Variants in DOK6 observed in about 807,000 individuals in gnomAD.
The protein encoded by DOK6 is docking protein 6.
Under a neutral mutation model 44.0 loss-of-function variants are expected in DOK6, and 22 were observed. That is an observed-to-expected ratio of 0.50 (90% CI 0.36 to 0.71). DOK6 has a LOEUF of 0.71. Ranked by LOEUF, DOK6 falls within the 30% of genes least tolerant of loss-of-function variation. DOK6 has a pLI of 0.00. For missense variants in DOK6, 340 were observed against 416.4 expected (o/e 0.82, Z 1.60); for synonymous variants, 166 against 145.5 (o/e 1.14, Z -1.01).
intron 1 of DOK6, among the ~76,000 whole-genome samples, chr18:69,509,774 C>T (rs2053524): frequency 0.12 from 17,720 of 151,566 alleles, 1,342 homozygotes; most frequent in Non-Finnish European, 0.16. Flanking sequence ...GCACATTTAA[C>T]AGCTCTCATT....
intron 1 of DOK6, 112 bp downstream of exon 1, chr18:69,401,422 C>T (rs1010124117): frequency 9.8e-6 from 12 of 1,219,456 alleles, no homozygotes; most frequent in Non-Finnish European, 1.3e-5. Context: ...GAGAGGGACC[C>T]GGCCCTTAGG....
chr18:69,433,254 G>A (rs1978856537), intron 1 of DOK6, among the ~76,000 whole-genome samples: 1 of 152,064 alleles, frequency 6.6e-6, no homozygotes, highest in South Asian at 2.1e-4. Flanking sequence ...ACCATTGATA[G>A]TAAAACACTC....
At chr18:69,627,219 C>CA (rs796561295) in intron 3 of DOK6, among the ~76,000 whole-genome samples, 112 of 152,128 alleles carry the variant, frequency 7.4e-4, no homozygotes, top group African/African-American at 2.3e-3. Flanking sequence ...AACAAACAAA[C>CA]AAAAAAGACT....
intron 1 of DOK6, among the ~76,000 whole-genome samples, chr18:69,415,342 A>T (rs934100815): frequency 6.7e-6 from 1 of 150,094 alleles, no homozygotes; most frequent in Non-Finnish European, 1.5e-5. Flanking sequence ...AATGACTCAA[A>T]TCATTTTTTT....
intron 5 of DOK6, among the ~76,000 whole-genome samples, chr18:69,706,514 C>CTT (rs34689612): frequency 3.4e-5 from 5 of 147,420 alleles, no homozygotes; most frequent in African/African-American, 1.3e-4. Context: ...TCAAGAAACT[C>CTT]TTTTTTTTTT....
In DOK6 at chr18:69,564,662, T is replaced by A. The variant is rs111868295; in HGVS notation, c.174+68T>A. 4.5e-3 allele frequency: 5,862 copies of A among 1,301,400 alleles called. 211 individuals are homozygous for A. The African/African-American group carries it at 0.074, about 17-fold the overall frequency. 80.6% of individuals were successfully genotyped at this position (1,301,400 alleles called of 1,614,324 possible). On this transcript the variant is annotated intron_variant, in intron 2 of 7. Coordinates refer to ENST00000382713, the MANE Select transcript of DOK6 (RefSeq NM_152721.6). Reference sequence around the variant, plus strand: ...TTGAAGACTTGTGGAGATATTTCTTTGATAAATGAAATCTTCAGTGGCAAA... The same window carrying A: ...TTGAAGACTTGTGGAGATATTTCTTAGATAAATGAAATCTTCAGTGGCAAA...
chr18:69,454,817 C>A (rs1355050164), intron 1 of DOK6, among the ~76,000 whole-genome samples: 1 of 144,870 alleles, frequency 6.9e-6, no homozygotes, highest in Non-Finnish European at 1.5e-5. Context: ...GAACAAAAAA[C>A]CAAACACCGC....
intron 4 of DOK6, among the ~76,000 whole-genome samples, chr18:69,681,437 T>G (rs573053511): frequency 1.3e-5 from 2 of 152,362 alleles, no homozygotes; most frequent in South Asian, 4.1e-4. Context: ...GATTAAATCC[T>G]TTGCTGTAAT....
rs12955956 is a variant in DOK6 at position 69,569,045 on chromosome 18, A to G, written c.174+4451A>G. ...TTGAATCATCCCGAAACTGTCCCCC[A>G]GCCCCCACAAACCCCCTGGTCCATG... On this transcript the variant is annotated intron_variant, in intron 2 of 7. Coordinates refer to ENST00000382713, the MANE Select transcript of DOK6 (RefSeq NM_152721.6). Among the ~76,000 whole-genome samples, 67 of 152,102 alleles carry G rather than the reference A, an allele frequency of 4.4e-4. 1 individual carries two copies. The highest frequency in any genetic ancestry group is 8.2e-4 in the Non-Finnish European group (56 of 68,000).
At chr18:69,581,054 T>C (rs1983357334) in intron 2 of DOK6, among the ~76,000 whole-genome samples, 1 of 152,248 alleles carries the variant, frequency 6.6e-6, no homozygotes, top group Non-Finnish European at 1.5e-5. Context: ...TATGGCTGAA[T>C]AGTATTCCAT....
chr18:69,486,741 A>G (rs993905680), intron 1 of DOK6, among the ~76,000 whole-genome samples: 1 of 152,182 alleles, frequency 6.6e-6, no homozygotes, highest in East Asian at 1.9e-4. Context: ...TTTTTATTCA[A>G]TGAAGGAATT....
chr18:69,481,812 T>A (rs9675528), intron 1 of DOK6, among the ~76,000 whole-genome samples: 36,084 of 152,028 alleles, frequency 0.24, 4,596 homozygotes, highest in East Asian at 0.52. Flanking sequence ...TCTTCCACAA[T>A]GGTTGAACTA....
At chr18:69,783,611 A>G (rs1265151513) in intron 7 of DOK6, among the ~76,000 whole-genome samples, 6 of 152,154 alleles carry the variant, frequency 3.9e-5, no homozygotes, top group African/African-American at 1.4e-4. Context: ...TGGATTTTCT[A>G]GAGACAATTC....
chr18:69,441,390 C>CTGAAACATTT (rs1213649411), intron 1 of DOK6, among the ~76,000 whole-genome samples: 1 of 152,068 alleles, frequency 6.6e-6, no homozygotes, highest in East Asian at 1.9e-4. Context: ...TTTATACTTT[C>CTGAAACATTT]TGAAACATTT....
chr18:69,631,547 A>G (rs1984690093), intron 3 of DOK6, among the ~76,000 whole-genome samples: 1 of 152,150 alleles, frequency 6.6e-6, no homozygotes, highest in Non-Finnish European at 1.5e-5. Flanking sequence ...CAAACAGACT[A>G]ATCGATCTAA....
chr18:69,630,000 G>A (rs1213585621), intron 3 of DOK6, among the ~76,000 whole-genome samples: 2 of 151,800 alleles, frequency 1.3e-5, no homozygotes, highest in Non-Finnish European at 2.9e-5. Context: ...TCCTGGCCTC[G>A]GGTGATCCAC....
intron 5 of DOK6, among the ~76,000 whole-genome samples, chr18:69,727,081 A>T (rs1028753550): frequency 6.6e-6 from 1 of 152,022 alleles, no homozygotes; most frequent in Non-Finnish European, 1.5e-5. Context: ...CTGATCTCGA[A>T]CTACTGGGCT....
intron 5 of DOK6, among the ~76,000 whole-genome samples, chr18:69,733,557 ACATTTTT>A (rs1305824462): frequency 6.6e-6 from 1 of 152,174 alleles, no homozygotes; most frequent in African/African-American, 2.4e-5. Flanking sequence ...CACCCACTTT[ACATTTTT>A]AAGTATACAA....
At chr18:69,721,917 A>G (rs1978289250) in intron 5 of DOK6, among the ~76,000 whole-genome samples, 1 of 152,218 alleles carries the variant, frequency 6.6e-6, no homozygotes, top group African/African-American at 2.4e-5. Flanking sequence ...TGAATATACC[A>G]TATAAAACCT....
Sources: gnomAD v4.1 joint callset for allele counts (sites outside exome capture counted in the v4.1 genomes callset) on GRCh38, gnomAD v4.1.1 for gene constraint, MANE v1.5 for transcripts, NCBI Gene and HGNC (gene_info 2026-07-23, HGNC 2026-07-21) for gene names.